Variants in EHBP1 observed in about 807,000 individuals in gnomAD.
EHBP1 encodes the protein EH domain-binding protein 1.
A neutral mutation model predicts 144.0 loss-of-function variants in EHBP1; 55 were observed. That is an observed-to-expected ratio of 0.38 (90% CI 0.31 to 0.48). EHBP1 has a LOEUF of 0.48. Ranked by LOEUF, EHBP1 falls within the 20% of genes least tolerant of loss-of-function variation. EHBP1 has a pLI of 0.98. For synonymous variants in EHBP1, 469 were observed against 472.7 expected, an observed-to-expected ratio of 0.99 and a Z score of 0.10; for missense variants, 1,200 against 1,364.2, an observed-to-expected ratio of 0.88 and a Z score of 1.90.
chr2:62,909,675 C>T (rs2054057936), intron 10 of EHBP1, among the ~76,000 whole-genome samples: 1 of 152,182 alleles, frequency 6.6e-6, no homozygotes, highest in South Asian at 2.1e-4. Context: ...ATCAGAATTA[C>T]TTGGGGTCTA....
intron 10 of EHBP1, among the ~76,000 whole-genome samples, chr2:62,914,918 A>G (rs1189893389): frequency 6.6e-6 from 1 of 152,096 alleles, no homozygotes; most frequent in Admixed American, 6.5e-5. Context: ...GCCTTGTCCA[A>G]TAAAGGCCAA....
chr2:62,694,755 C>A (rs2034026100), intron 1 of EHBP1, among the ~76,000 whole-genome samples: 1 of 152,162 alleles, frequency 6.6e-6, no homozygotes, highest in Non-Finnish European at 1.5e-5. Flanking sequence ...CTCTCTGCTT[C>A]ATCTCCTGGC....
At chr2:62,843,374 G>A (rs2048057704) in intron 7 of EHBP1, among the ~76,000 whole-genome samples, 1 of 152,042 alleles carries the variant, frequency 6.6e-6, no homozygotes, top group African/African-American at 2.4e-5. Context: ...TGTTCTGGAG[G>A]GCACACATAA....
At chr2:62,965,546 T>C (rs2058208914) in intron 14 of EHBP1, among the ~76,000 whole-genome samples, 1 of 152,202 alleles carries the variant, frequency 6.6e-6, no homozygotes, top group South Asian at 2.1e-4. Flanking sequence ...TTGTGCACAT[T>C]AGAATTTAAA....
In EHBP1 at chr2:62,730,203, C is replaced by T. The variant is rs183418777; in HGVS notation, c.105-17192C>T. 2.3e-3 allele frequency among the ~76,000 whole-genome samples: 356 copies of T among 152,122 alleles called. 1 individual carries two copies. Among genetic ancestry groups the T allele is most frequent in the Admixed American group, 5.1e-3 (78 of 15,270 alleles). On this transcript the variant is annotated intron_variant, in intron 2 of 22. Transcript: ENST00000431489. ...CCTCATCTGCCCCTATTTCCCCCCA[C>T]TTATTGATATCTTACATTAATAATG...
intron 21 of EHBP1, chr2:63,043,919 T>C (rs1218305446): frequency 1.8e-5 from 2 of 111,622 alleles, no homozygotes; most frequent in African/African-American, 3.2e-5. Flanking sequence ...TGGCCATGGT[T>C]CTTTTTTTTT....
At chr2:62,881,024 T>C (rs2051360950) in intron 10 of EHBP1, among the ~76,000 whole-genome samples, 1 of 146,244 alleles carries the variant, frequency 6.8e-6, no homozygotes, top group Non-Finnish European at 1.5e-5. Context: ...AATGAAAATG[T>C]GGTATATATA....
chr2:62,693,437 C>T (rs186731470), intron 1 of EHBP1, among the ~76,000 whole-genome samples: 38 of 152,226 alleles, frequency 2.5e-4, no homozygotes, highest in Non-Finnish European at 2.9e-4. Flanking sequence ...AGTACCTTAT[C>T]AGATATATGG....
At chr2:62,966,299 G>T (rs938568774) in intron 14 of EHBP1, among the ~76,000 whole-genome samples, 2 of 152,110 alleles carry the variant, frequency 1.3e-5, no homozygotes, top group African/African-American at 4.8e-5. Context: ...TATTTCAGAA[G>T]CAATTTTTAA....
At chr2:62,752,094 C>T (rs1415562272) in intron 3 of EHBP1, among the ~76,000 whole-genome samples, 2 of 152,122 alleles carry the variant, frequency 1.3e-5, no homozygotes, top group Non-Finnish European at 2.9e-5. Context: ...AGTTTTAGAT[C>T]TTTCCTGCTT....
chr2:62,744,653 T>A (rs1394057305), intron 2 of EHBP1, among the ~76,000 whole-genome samples: 1 of 152,174 alleles, frequency 6.6e-6, no homozygotes, highest in Admixed American at 6.6e-5. Flanking sequence ...ACTTTTGATC[T>A]ATTTACATTC....
intron 10 of EHBP1, among the ~76,000 whole-genome samples, chr2:62,917,712 T>C (rs1558910809): frequency 1.3e-5 from 2 of 152,278 alleles, no homozygotes; most frequent in East Asian, 3.9e-4. Context: ...TAGGAAGAAA[T>C]TGCATGGCTA....
chr2:62,932,189 AAG>A lies in EHBP1; in HGVS notation c.1186-10527_1186-10526del, dbSNP rs1021448158. On this transcript the variant is annotated intron_variant, in intron 10 of 22. Transcript: ENST00000431489. ...GAGACGGCATCTAAAAAAAAAAAAA[AAG>A]AACATATTCCCACAGAGAAGAGAAG... Among the ~76,000 whole-genome samples the A allele has an allele frequency of 1.6e-4, 25 of 152,090 alleles. No homozygotes were observed. In the South Asian group the frequency reaches 2.3e-3, roughly 14 times the overall value.
chr2:62,955,407 C>G, intron 13 of EHBP1, 110 bp from the exon 14 acceptor site: 4 of 1,049,202 alleles, frequency 3.8e-6, no homozygotes, highest in Non-Finnish European at 4.1e-6. Flanking sequence ...AAGCTACAAT[C>G]TTATTCATAA....
intron 5 of EHBP1, among the ~76,000 whole-genome samples, chr2:62,773,694 C>T (rs1345317684): frequency 4.6e-5 from 7 of 151,212 alleles, no homozygotes; most frequent in Non-Finnish European, 4.4e-5. Flanking sequence ...ACTAAAAATA[C>T]AAAACAATTA....
chr2:62,710,093 CTG>C (rs1404003061), intron 2 of EHBP1, among the ~76,000 whole-genome samples: 2 of 152,192 alleles, frequency 1.3e-5, no homozygotes, highest in East Asian at 1.9e-4. Flanking sequence ...TTGAAAGAGA[CTG>C]TACTGTCATT....
intron 19 of EHBP1, among the ~76,000 whole-genome samples, chr2:63,021,726 C>T (rs565980922): frequency 1.3e-5 from 2 of 152,174 alleles, no homozygotes; most frequent in Admixed American, 6.5e-5. Context: ...TAGAAGGGTG[C>T]AAGCTCTGTT....
intron 5 of EHBP1, among the ~76,000 whole-genome samples, chr2:62,780,055 T>C (rs1019540987): frequency 1.3e-5 from 2 of 152,164 alleles, no homozygotes; most frequent in African/African-American, 4.8e-5. Flanking sequence ...GTTACTGGCA[T>C]GTCAGAAAAG....
At chr2:62,958,756 A>G (rs936842908) in intron 14 of EHBP1, among the ~76,000 whole-genome samples, 12 of 152,238 alleles carry the variant, frequency 7.9e-5, no homozygotes, top group East Asian at 1.9e-4. Flanking sequence ...AATACGTAGT[A>G]TGCTAAGAAT....
Sources: gnomAD v4.1 joint callset for allele counts (sites outside exome capture counted in the v4.1 genomes callset) on GRCh38, gnomAD v4.1.1 for gene constraint, MANE v1.5 for transcripts, NCBI Gene and HGNC (gene_info 2026-07-23, HGNC 2026-07-21) for gene names.